Variants in CACNA2D3 observed in about 807,000 individuals in gnomAD.
The protein encoded by CACNA2D3 is voltage-dependent calcium channel subunit alpha-2/delta-3.
CACNA2D3 carries 60 observed loss-of-function variants against 160.6 expected under a neutral mutation model. That is an observed-to-expected ratio of 0.37 (90% CI 0.30 to 0.46). The LOEUF is 0.46. CACNA2D3 is among the 20% of genes least tolerant of loss of function. CACNA2D3 has a pLI of 1.00. For synonymous variants in CACNA2D3, 558 were observed against 492.9 expected (o/e 1.13, Z -1.75); for missense variants, 1,205 against 1,365.0 (o/e 0.88, Z 1.85).
intron 13 of CACNA2D3, among the ~76,000 whole-genome samples, chr3:54,775,767 T>A (rs1157373445): frequency 1.3e-5 from 2 of 152,164 alleles, no homozygotes; most frequent in African/African-American, 4.8e-5. Context: ...TGTACTTCTG[T>A]CACCTCTTAG....
chr3:54,553,877 T>G (rs1702198750), intron 5 of CACNA2D3, among the ~76,000 whole-genome samples: 2 of 152,134 alleles, frequency 1.3e-5, no homozygotes, highest in Admixed American at 6.5e-5. Flanking sequence ...TTTTGGAAAA[T>G]AAATTTGATT....
chr3:54,509,204 G>C (rs918902341), intron 5 of CACNA2D3, among the ~76,000 whole-genome samples: 1 of 152,112 alleles, frequency 6.6e-6, no homozygotes, highest in African/African-American at 2.4e-5. Context: ...GCTATTTGAT[G>C]TGCAAGAAGG....
intron 13 of CACNA2D3, among the ~76,000 whole-genome samples, chr3:54,813,537 A>C (rs1232188657): frequency 1.3e-5 from 2 of 152,146 alleles, no homozygotes; most frequent in Non-Finnish European, 2.9e-5. Context: ...TGGGTGATTA[A>C]CATGGTGGTG....
At chr3:55,053,641 C>A (rs978439439) in intron 35 of CACNA2D3, among the ~76,000 whole-genome samples, 11 of 151,994 alleles carry the variant, frequency 7.2e-5, no homozygotes, top group African/African-American at 2.7e-4. Context: ...TTATATCCTG[C>A]ATCCTTTCTA....
At chr3:54,295,465 A>T (rs1037865843) in intron 2 of CACNA2D3, among the ~76,000 whole-genome samples, 5 of 152,214 alleles carry the variant, frequency 3.3e-5, no homozygotes, top group Non-Finnish European at 7.3e-5. Flanking sequence ...GGTTTTATAC[A>T]TTTTAGGGAG....
At chr3:54,584,182 C>T (rs913544841) in intron 9 of CACNA2D3, among the ~76,000 whole-genome samples, 4 of 151,894 alleles carry the variant, frequency 2.6e-5, no homozygotes, top group South Asian at 2.1e-4. Context: ...TAAAATGCCA[C>T]GAACTGGGAA....
At chr3:54,556,055 C>G (rs1559511771) in intron 5 of CACNA2D3, among the ~76,000 whole-genome samples, 1 of 152,110 alleles carries the variant, frequency 6.6e-6, no homozygotes, top group East Asian at 1.9e-4. Context: ...TTATTAAACT[C>G]AGATTTTTAA....
At position 55,050,336 on chromosome 3, in the gene CACNA2D3, A is replaced by T. The variant is rs1442957186; in HGVS notation, c.2988-23109A>T. On this transcript the variant is annotated intron_variant, in intron 35 of 37. Coordinates refer to ENST00000474759, the MANE Select transcript of CACNA2D3 (RefSeq NM_018398.3). ...TCTCTCAGCATTTGCTTGTCTGTAA[A>T]GTATTTTATTTCTCCTTCACTTCTG... 2.6e-5 allele frequency among the ~76,000 whole-genome samples: 4 copies of T among 151,636 alleles called. No individual in the cohort carries two copies. In the East Asian group the frequency reaches 7.8e-4, roughly 29 times the overall value.
chr3:54,699,169 G>A (rs1700719354), intron 11 of CACNA2D3, among the ~76,000 whole-genome samples: 1 of 152,168 alleles, frequency 6.6e-6, no homozygotes, highest in Non-Finnish European at 1.5e-5. Flanking sequence ...GGTGGCATCT[G>A]GTTTCCAGTT....
At chr3:54,320,238 C>G (rs997432702) in intron 2 of CACNA2D3, among the ~76,000 whole-genome samples, 3 of 152,200 alleles carry the variant, frequency 2.0e-5, no homozygotes, top group African/African-American at 7.2e-5. Flanking sequence ...GGTTAAGTCT[C>G]CCAGGAGAGC....
At chr3:54,822,786 CTTTCCTTTCTTTCTTT>C (rs1703650277) in intron 14 of CACNA2D3, among the ~76,000 whole-genome samples, 12 of 71,704 alleles carry the variant, frequency 1.7e-4, no homozygotes, top group South Asian at 5.2e-4. Flanking sequence ...TTCTTTCTTT[CTTTCCTTTCTTTCTTT>C]CTTTCTTTCT....
intron 4 of CACNA2D3, among the ~76,000 whole-genome samples, chr3:54,489,713 G>A (rs1701076964): frequency 6.6e-6 from 1 of 152,248 alleles, no homozygotes; most frequent in Non-Finnish European, 1.5e-5. Flanking sequence ...AGCGAGGCCT[G>A]CAGAAAGCTG....
chr3:54,970,249 G>A (rs1702238631), intron 29 of CACNA2D3, among the ~76,000 whole-genome samples: 1 of 152,102 alleles, frequency 6.6e-6, no homozygotes, highest in African/African-American at 2.4e-5. Context: ...AAGAAAAACT[G>A]AGCATCAGAG....
intron 9 of CACNA2D3, among the ~76,000 whole-genome samples, chr3:54,612,831 C>G (rs1479559800): frequency 6.6e-6 from 1 of 152,176 alleles, no homozygotes; most frequent in East Asian, 1.9e-4. Flanking sequence ...GCTGAAATGA[C>G]CCACCAGTCT....
rs565373097 is a variant in CACNA2D3 at position 54,135,166 on chromosome 3, C to T, written c.204+11572C>T. Among the ~76,000 whole-genome samples the T allele has an allele frequency of 3.9e-5, 6 of 152,274 alleles. No individual in the cohort carries two copies. The South Asian group carries it at 8.3e-4, about 21-fold the overall frequency. ...GGTGTTTGCTATGATCTCACCTTCT[C>T]GGGGAGCTGCTTCTTTAGTTTGTTT... On this transcript the variant is annotated intron_variant, in intron 2 of 37. Transcript: ENST00000474759.
In CACNA2D3 at chr3:54,710,671, A is replaced by G. The variant is rs192489059; in HGVS notation, c.1168-41928A>G. On this transcript the variant is annotated intron_variant, in intron 11 of 37. Transcript: ENST00000474759. Reference sequence around the variant, plus strand: ...GAAAATGGGATTGGTGAACAGCTTGATTTTAATGGAAGATTTCATTTAGAC... The same window carrying G: ...GAAAATGGGATTGGTGAACAGCTTGGTTTTAATGGAAGATTTCATTTAGAC... 1.4e-4 allele frequency among the ~76,000 whole-genome samples: 22 copies of G among 152,302 alleles called. No individual in the cohort carries two copies. In the East Asian group the frequency reaches 4.2e-3, roughly 29 times the overall value.
At chr3:54,736,894 A>T (rs1000443921) in intron 11 of CACNA2D3, among the ~76,000 whole-genome samples, 1 of 152,174 alleles carries the variant, frequency 6.6e-6, no homozygotes, top group Non-Finnish European at 1.5e-5. Flanking sequence ...TCAGCTGTTA[A>T]ATAAGAATGA....
intron 11 of CACNA2D3, among the ~76,000 whole-genome samples, chr3:54,696,703 C>G (rs997776432): frequency 2.0e-5 from 3 of 152,156 alleles, no homozygotes; most frequent in Non-Finnish European, 2.9e-5. Context: ...TCCTGTGGTT[C>G]CACTTCATGG....
rs1700519886 is a variant in CACNA2D3 at position 54,462,235 on chromosome 3, G to A, written c.382-41257G>A. Among the ~76,000 whole-genome samples the A allele has an allele frequency of 2.0e-5, 3 of 152,248 alleles. 1 individual carries two copies. The South Asian group carries it at 6.2e-4, about 32-fold the overall frequency. ...TTTGGAATAGGTGTGGTGTGGTGCT[G>A]AAAAAAATGTATATTCTGTTGATTT... On this transcript the variant is annotated intron_variant, in intron 4 of 37. Transcript: ENST00000474759.
Sources: allele counts gnomAD v4.1 joint callset (sites outside exome capture counted in the v4.1 genomes callset), GRCh38; gene constraint gnomAD v4.1.1; transcripts MANE v1.5; gene names NCBI Gene and HGNC (gene_info 2026-07-23, HGNC 2026-07-21).